The following TRPM7 variants were observed in gnomAD, a reference collection of about 807,000 sequenced individuals.
TRPM7 encodes LTRPC ion channel family member 7.
TRPM7 carries 134 observed loss-of-function variants against 229.7 expected under a neutral mutation model. The observed-to-expected ratio is 0.58, with a 90% CI of 0.51 to 0.67. TRPM7 has a LOEUF of 0.67. Ranked by LOEUF, TRPM7 falls within the 30% of genes least tolerant of loss-of-function variation. The probability of loss-of-function intolerance (pLI) is 0.00; values close to 1 mark genes in which losing one functional copy is unlikely to be tolerated. For synonymous variants in TRPM7, 699 were observed against 715.2 expected, an observed-to-expected ratio of 0.98 and a Z score of 0.36; for missense variants, 1,901 against 2,210.0, an observed-to-expected ratio of 0.86 and a Z score of 2.80.
Position 50,686,386 on chromosome 15 carries a change from G to A in TRPM7, c.3+145C>T, listed in dbSNP as rs140390522. The A allele has an allele frequency of 6.1e-5, 84 of 1,379,924 alleles. No homozygotes were observed. In the East Asian group the frequency reaches 1.6e-3, roughly 27 times the overall value. The allele number at this position is 1,379,924 out of a possible 1,614,324, so 85.5% of individuals were successfully genotyped here. ...AGAACGAACTGCACACCCGTCCCGA[G>A]AGGACAAATCCGGAAGCCTCAAGGC... On this transcript the variant is annotated intron_variant, in intron 1 of 38. Coordinates refer to ENST00000646667, the MANE Select transcript of TRPM7 (RefSeq NM_017672.6).
At chr15:50,619,664 AATG>A (rs1272764810) in intron 13 of TRPM7, 78 bp downstream of exon 13, 1 of 1,175,702 alleles carries the variant, frequency 8.5e-7, no homozygotes, top group African/African-American at 1.6e-5. Context: ...AATGTATTTA[AATG>A]ATTTTTTTTT....
At chr15:50,670,905 A>G (rs1362792722) in intron 1 of TRPM7, among the ~76,000 whole-genome samples, 1 of 151,962 alleles carries the variant, frequency 6.6e-6, no homozygotes, top group African/African-American at 2.4e-5. Flanking sequence ...CAGGTGCAGT[A>G]GCTCTTGCCT....
At chr15:50,570,888 G>A (rs2053853433) in intron 36 of TRPM7, among the ~76,000 whole-genome samples, 3 of 151,372 alleles carry the variant, frequency 2.0e-5, no homozygotes, top group African/African-American at 7.3e-5. Flanking sequence ...AAAAACAAGT[G>A]TTTGGGATTT....
chr15:50,682,107 G>A (rs893307953), intron 1 of TRPM7, among the ~76,000 whole-genome samples: 1 of 143,274 alleles, frequency 7.0e-6, no homozygotes, highest in African/African-American at 2.7e-5. Flanking sequence ...TAAACTGGAA[G>A]GCACAGTTTG....
rs1461076958 is a variant in TRPM7 at position 50,591,954 on chromosome 15, A to C, written c.4281T>G (p.Ser1427=). 1.5e-5 allele frequency: 24 copies of C among 1,597,804 alleles called. No homozygotes were observed. Among genetic ancestry groups the C allele is most frequent in the Non-Finnish European group, 2.0e-5 (24 of 1,175,822 alleles). Residue 1427 remains serine (S), a synonymous_variant, in exon 26 of 39, where the codon TCT becomes TCG. Coordinates refer to ENST00000646667, the MANE Select transcript of TRPM7 (RefSeq NM_017672.6). ...TGTKDQETVC[S]KATEGDNTEF... is the part of the protein sequence containing the mutation. ...CTGTATTATCTCCTTCTGTAGCTTT[A>C]GAGCAAACAGTTTCTTGATCTTTGG...
intron 12 of TRPM7, among the ~76,000 whole-genome samples, chr15:50,620,585 A>G (rs2060365821): frequency 6.6e-6 from 1 of 152,146 alleles, no homozygotes; most frequent in South Asian, 2.1e-4. Context: ...ACTACAATTG[A>G]TATTGCATAT....
intron 1 of TRPM7, among the ~76,000 whole-genome samples, chr15:50,685,559 T>A (rs1162524574): frequency 6.6e-6 from 1 of 152,242 alleles, no homozygotes; most frequent in Non-Finnish European, 1.5e-5. Context: ...CTTATTTTAG[T>A]TTTGTATGGC....
rs140038190 is a variant in TRPM7, at chr15:50,591,429, A to C, written c.4324+482T>G. ...GACAGAACCTAAAATTCCATCAAAG[A>C]GGTTATGTGCCAATATAACTCTTAT... On this transcript the variant is annotated intron_variant, in intron 26 of 38. Coordinates refer to ENST00000646667, the MANE Select transcript of TRPM7 (RefSeq NM_017672.6). Among the ~76,000 whole-genome samples, 671 of 152,108 alleles carry C rather than the reference A, an allele frequency of 4.4e-3. 7 individuals carry two copies. The highest frequency in any genetic ancestry group is 0.015 in the African/African-American group (628 of 41,478).
chr15:50,570,296 A>G (rs1351230245), intron 36 of TRPM7, 141 bp from the exon 37 acceptor site: 3 of 619,156 alleles, frequency 4.8e-6, no homozygotes, highest in Non-Finnish European at 8.0e-6. Flanking sequence ...AAAGGAGTGT[A>G]GTTCTTCTCT....
At chr15:50,588,347 T>A in intron 27 of TRPM7, 1 of 313,632 alleles carries the variant, frequency 3.2e-6, no homozygotes, top group Non-Finnish European at 4.6e-6. Flanking sequence ...AATTTGCATA[T>A]AATAACCAAT....
intron 1 of TRPM7, among the ~76,000 whole-genome samples, chr15:50,666,457 AAAG>A (rs1369522008): frequency 1.3e-5 from 2 of 151,622 alleles, no homozygotes; most frequent in African/African-American, 4.9e-5. Context: ...TAGAAGGGAG[AAAG>A]AAGAGGAGGA....
Position 50,612,753 on chromosome 15 carries a change from T to C in TRPM7, c.1847A>G (p.Lys616Arg), listed in dbSNP as rs1424231227. Reference protein sequence around the residue: ...EIVDIDDPETKRFPYPLNELL... With the variant: ...EIVDIDDPETRRFPYPLNELL... The stretch of plus-strand genomic sequence containing the variant: ...TTCATTAAGTGGATAAGGAAAGCGC[T>C]TGGTTTCTGGATCATCAATGTCTAC... The change falls in exon 16 of 39, where the codon AAG (lysine) becomes AGG (arginine). Residue 616 changes from lysine (K) to arginine (R), a missense_variant. This residue lies in a region of TRPM7 where 794 missense variants were observed against 881.9 expected (regional missense o/e 0.90). Coordinates refer to ENST00000646667, the MANE Select transcript of TRPM7 (RefSeq NM_017672.6). 2.7e-5 allele frequency: 43 copies of C among 1,614,044 alleles called. No homozygotes were observed. In the Admixed American group the frequency reaches 6.7e-4, roughly 25 times the overall value.
chr15:50,628,210 A>G lies in TRPM7; in HGVS notation c.1244T>C (p.Leu415Ser), dbSNP rs769170304. The change falls in exon 11 of 39, where the codon TTG becomes TCG. Residue 415 changes from leucine to serine, a missense_variant. By Grantham distance (145) the Leu-to-Ser change is moderately radical. Coordinates refer to ENST00000646667, the MANE Select transcript of TRPM7 (RefSeq NM_017672.6). ...ASAFDQLILT[L>S]AWDRVDIAKN... The stretch of plus-strand genomic sequence containing the variant: ...GGCAATGTCAACTCTATCCCATGCC[A>G]ATGTAAGGATAAGCTGGTCAAATGC... 2 of 1,613,606 alleles carry G rather than the reference A, an allele frequency of 1.2e-6. No homozygotes were observed. Among genetic ancestry groups the G allele is most frequent in the South Asian group, 1.1e-5 (1 of 91,044 alleles).
chr15:50,592,776 G>C (rs1230080807), intron 25 of TRPM7, 150 bp from the exon 26 acceptor site: 1 of 597,014 alleles, frequency 1.7e-6, no homozygotes, highest in African/African-American at 1.9e-5. Context: ...AATTATACAA[G>C]GCCTACCTTA....
chr15:50,565,893 G>A lies in TRPM7; in HGVS notation c.5467+3994C>T, dbSNP rs149057821. ...GGCCAGAGTGCAGTGGCGCAATCTTGGCTCATTGCAACCTCTGCCTCCCAG... is the reference window on the plus strand; with the variant it reads ...GGCCAGAGTGCAGTGGCGCAATCTTAGCTCATTGCAACCTCTGCCTCCCAG... On this transcript the variant is annotated intron_variant, in intron 38 of 38. Transcript: ENST00000646667. Among the ~76,000 whole-genome samples the A allele has an allele frequency of 2.5e-3, 377 of 150,600 alleles. 2 individuals carry two copies. Among genetic ancestry groups the A allele is most frequent in the African/African-American group, 8.8e-3 (359 of 40,954 alleles).
intron 19 of TRPM7, among the ~76,000 whole-genome samples, chr15:50,607,544 G>C (rs2059949833): frequency 6.6e-6 from 1 of 152,124 alleles, no homozygotes; most frequent in Admixed American, 6.5e-5. Context: ...TAAACGTGTT[G>C]TTCTACAACT....
intron 4 of TRPM7, among the ~76,000 whole-genome samples, chr15:50,647,623 T>C (rs1179286876): frequency 6.6e-6 from 1 of 152,016 alleles, no homozygotes; most frequent in African/African-American, 2.4e-5. Flanking sequence ...CACACACTTG[T>C]AGTCCCAGCT....
Position 50,558,101 on chromosome 15 carries a change from A to AT in TRPM7, c.*3576dup, listed in dbSNP as rs1307828030. Reference sequence around the variant, plus strand: ...AATCTTAAAAAAATACTTATTGGGGATAAGAAATGTGGTTTACAAGTAAAC... The same window carrying AT: ...AATCTTAAAAAAATACTTATTGGGGATTAAGAAATGTGGTTTACAAGTAAAC... On this transcript the variant is annotated 3_prime_UTR_variant, in exon 39 of 39. Transcript: ENST00000646667. 6.6e-6 allele frequency: 1 copy of AT among 152,230 alleles called. No homozygotes were observed. The highest frequency in any genetic ancestry group is 1.9e-4 in the East Asian group (1 of 5,198). The allele number at this position is 152,230 out of a possible 1,614,324, so 9.4% of individuals were successfully genotyped here. A position where few individuals can be genotyped will look rare whatever the true frequency, so the allele number is the denominator to read the frequency against.
chr15:50,669,116 T>G (rs1399545198), intron 1 of TRPM7, among the ~76,000 whole-genome samples: 3 of 152,106 alleles, frequency 2.0e-5, no homozygotes, highest in Non-Finnish European at 4.4e-5. Context: ...ATAAAGGTAT[T>G]TGAGGGTACA....
Sources: allele counts gnomAD v4.1 joint callset (sites outside exome capture counted in the v4.1 genomes callset), GRCh38; gene constraint gnomAD v4.1.1; regional missense constraint gnomAD v4.1.1; transcripts MANE v1.5; gene names NCBI Gene and HGNC (gene_info 2026-07-23, HGNC 2026-07-21).